Variants in MTRF1 observed in about 807,000 individuals in gnomAD.
MTRF1 encodes peptide chain release factor 1, mitochondrial.
MTRF1 carries 51 observed loss-of-function variants against 62.9 expected under a neutral mutation model. The observed-to-expected ratio is 0.81, with a 90% confidence interval of 0.65 to 1.02. The LOEUF (loss-of-function observed/expected upper bound fraction) is 1.02, where lower values mean the gene tolerates loss of function less well. MTRF1 is among the 50% of genes least tolerant of loss of function. The pLI, the probability that MTRF1 is intolerant of heterozygous loss-of-function variation, is 0.00. For synonymous variants in MTRF1, 158 were observed against 181.9 expected (o/e 0.87, Z 1.06); for missense variants, 446 against 530.0 (o/e 0.84, Z 1.56).
chr13:41,241,616 C>G (rs1338355174), intron 5 of MTRF1, among the ~76,000 whole-genome samples: 7 of 152,180 alleles, frequency 4.6e-5, no homozygotes, highest in Non-Finnish European at 2.9e-5. Context: ...ACAGTTTAGT[C>G]CTGCCCATTT....
At chr13:41,267,083 C>G (rs1244520727), upstream of MTRF1, among the ~76,000 whole-genome samples, 1 of 147,974 alleles carries the variant, frequency 6.8e-6, no homozygotes, top group Non-Finnish European at 1.5e-5. Context: ...TATCAGGATT[C>G]AAATAAAGTA....
chr13:41,283,330 C>A, the MTRF1 span, among the ~76,000 whole-genome samples: 1 of 152,120 alleles, frequency 6.6e-6, no homozygotes, highest in Non-Finnish European at 1.5e-5. Flanking sequence ...TGACACCGAC[C>A]AAGACATCAA....
chr13:41,272,383 A>C, the MTRF1 span, among the ~76,000 whole-genome samples: 1 of 152,336 alleles, frequency 6.6e-6, no homozygotes, highest in East Asian at 1.9e-4. Context: ...ATGGGAAGCA[A>C]ACATAGAAAC....
intron 5 of MTRF1, among the ~76,000 whole-genome samples, chr13:41,248,491 A>G (rs141007761): frequency 2.4e-4 from 36 of 152,292 alleles, no homozygotes; most frequent in African/African-American, 6.5e-4. Context: ...GCAGTGGGGT[A>G]CCACCAGTTG....
the MTRF1 span, among the ~76,000 whole-genome samples, chr13:41,280,045 C>A: frequency 1.3e-5 from 2 of 152,176 alleles, no homozygotes; most frequent in Non-Finnish European, 2.9e-5. Context: ...TCAAGTGATT[C>A]CCCTGCCTCA....
chr13:41,306,510 T>C, the MTRF1 span, among the ~76,000 whole-genome samples: 1 of 152,216 alleles, frequency 6.6e-6, no homozygotes, highest in African/African-American at 2.4e-5. Flanking sequence ...AATTACATAG[T>C]TAAATTGGCT....
the MTRF1 span, among the ~76,000 whole-genome samples, chr13:41,272,750 T>C: frequency 6.6e-6 from 1 of 152,106 alleles, no homozygotes; most frequent in Non-Finnish European, 1.5e-5. Flanking sequence ...CCCTGCTGGG[T>C]GCGAGTTCAA....
At chr13:41,309,383 T>TGTGTGTGTGTGTG in the MTRF1 span, among the ~76,000 whole-genome samples, 17 of 144,898 alleles carry the variant, frequency 1.2e-4, no homozygotes, top group Non-Finnish European at 1.7e-4. Context: ...TGTGTGTGTG[T>TGTGTGTGTGTGTG]TTGCCATGTT....
At chr13:41,290,165 C>T in the MTRF1 span, among the ~76,000 whole-genome samples, 9 of 136,120 alleles carry the variant, frequency 6.6e-5, no homozygotes, top group African/African-American at 2.2e-4. Context: ...GGTGCAATCT[C>T]GGCTCACTGC....
the MTRF1 span, among the ~76,000 whole-genome samples, chr13:41,277,112 G>A: frequency 6.6e-6 from 1 of 151,286 alleles, no homozygotes; most frequent in Non-Finnish European, 1.5e-5. Flanking sequence ...GTTGTGGCTG[G>A]CCTCACATCA....
In MTRF1 at chr13:41,263,559, C is replaced by G. The variant is rs1187341612; in HGVS notation, c.-83G>C. On this transcript the variant is annotated 5_prime_UTR_variant, in exon 1 of 10. Coordinates refer to ENST00000379480, the MANE Select transcript of MTRF1 (RefSeq NM_004294.4). ...TTCCGAGACCCGCCACATTTCAGCC[C>G]GACAAACCCGAGATCACGTTCACTT... 4.7e-6 allele frequency: 1 copy of G among 212,428 alleles called. No individual in the cohort carries two copies. Among genetic ancestry groups the G allele is most frequent in the Non-Finnish European group, 9.8e-6 (1 of 101,724 alleles). 13.2% of individuals were successfully genotyped at this position (212,428 alleles called of 1,614,324 possible). A position where few individuals can be genotyped will look rare whatever the true frequency, so the allele number is the denominator to read the frequency against.
chr13:41,307,589 C>T, the MTRF1 span, among the ~76,000 whole-genome samples: 3 of 151,854 alleles, frequency 2.0e-5, no homozygotes, highest in African/African-American at 7.3e-5. Context: ...TGCACTCCAG[C>T]CTGGGTGGCA....
chr13:41,251,783 T>C (rs1338824036), intron 5 of MTRF1, among the ~76,000 whole-genome samples: 3 of 152,208 alleles, frequency 2.0e-5, no homozygotes, highest in Admixed American at 2.0e-4. Flanking sequence ...AACTTTCAGA[T>C]GGATTAAAAG....
chr13:41,273,346 A>C, the MTRF1 span, among the ~76,000 whole-genome samples: 3 of 150,962 alleles, frequency 2.0e-5, no homozygotes, highest in African/African-American at 7.3e-5. Context: ...AAAAAAGTTT[A>C]GAGGCATCTT....
intron 7 of MTRF1, 105 bp from the exon 8 acceptor site, chr13:41,226,673 A>G: frequency 7.6e-7 from 1 of 1,308,170 alleles, no homozygotes; most frequent in South Asian, 1.3e-5. Context: ...AGATCACAAA[A>G]GATACAAACA....
the MTRF1 span, among the ~76,000 whole-genome samples, chr13:41,291,441 G>A: frequency 6.6e-6 from 1 of 152,122 alleles, no homozygotes; most frequent in Non-Finnish European, 1.5e-5. Flanking sequence ...GCCTCCTAAA[G>A]TGCTGGGATT....
At chr13:41,257,883 T>C (rs1555266905) in intron 2 of MTRF1, 5 of 341,234 alleles carry the variant, frequency 1.5e-5, no homozygotes, top group South Asian at 9.0e-5. Flanking sequence ...ATAATATTTG[T>C]AAAGCACTGA....
chr13:41,217,039 G>A lies in MTRF1; in HGVS notation c.*76C>T. The stretch of plus-strand genomic sequence containing the variant: ...GCTGTAATTTACAAATATTCATAAT[G>A]ATTTCCAAGCTTCAGTCTGCCTCTT... On this transcript the variant is annotated 3_prime_UTR_variant, in exon 10 of 10. Transcript: ENST00000379480. The A allele has an allele frequency of 2.7e-6, 2 of 741,578 alleles. No individual in the cohort carries two copies. Among genetic ancestry groups the A allele is most frequent in the Non-Finnish European group, 4.4e-6 (2 of 458,888 alleles). 45.9% of individuals were successfully genotyped at this position (741,578 alleles called of 1,614,324 possible).
chr13:41,253,430 A>G (rs1383344041), intron 3 of MTRF1, among the ~76,000 whole-genome samples: 2 of 152,186 alleles, frequency 1.3e-5, no homozygotes, highest in African/African-American at 4.8e-5. Context: ...ATTTCATATT[A>G]TCTTCTGCTA....
Sources: gnomAD v4.1 joint callset for allele counts (sites outside exome capture counted in the v4.1 genomes callset) on GRCh38, gnomAD v4.1.1 for gene constraint, MANE v1.5 for transcripts, NCBI Gene and HGNC (gene_info 2026-07-23, HGNC 2026-07-21) for gene names.